CLYBL: variants seen among roughly 807,000 people sequenced by gnomAD.
CLYBL encodes the protein citramalyl-CoA lyase.
CLYBL carries 31 observed loss-of-function variants against 38.9 expected under a neutral mutation model. That is an observed-to-expected ratio of 0.80 (90% confidence interval 0.60 to 1.08). CLYBL has a LOEUF of 1.08. Ranked by LOEUF, CLYBL falls within the 50% of genes least tolerant of loss-of-function variation. The probability of loss-of-function intolerance (pLI) is 0.00; values close to 1 mark genes in which losing one functional copy is unlikely to be tolerated. For missense variants in CLYBL, 434 were observed against 411.6 expected, an observed-to-expected ratio of 1.05 and a Z score of -0.47; for synonymous variants, 171 against 158.6, an observed-to-expected ratio of 1.08 and a Z score of -0.59.
At chr13:99,731,357 A>T (rs1198089065) in intron 1 of CLYBL, among the ~76,000 whole-genome samples, 3 of 150,724 alleles carry the variant, frequency 2.0e-5, no homozygotes, top group Non-Finnish European at 4.4e-5. Flanking sequence ...AAAGCGGCTG[A>T]GCCCAGGGGC....
chr13:99,695,580 C>T (rs1019176664), intron 1 of CLYBL, among the ~76,000 whole-genome samples: 2 of 151,928 alleles, frequency 1.3e-5, no homozygotes, highest in Non-Finnish European at 2.9e-5. Flanking sequence ...AGTGCAGTGG[C>T]GTGATCTTGG....
chr13:99,796,153 G>C (rs962103198), intron 2 of CLYBL, among the ~76,000 whole-genome samples: 17 of 152,196 alleles, frequency 1.1e-4, no homozygotes, highest in African/African-American at 4.1e-4. Context: ...ACTTCTACTG[G>C]TCAGGGCCAT....
intron 1 of CLYBL, among the ~76,000 whole-genome samples, chr13:99,719,265 CTTCTGAG>C (rs1365573984): frequency 6.6e-6 from 1 of 151,740 alleles, no homozygotes; most frequent in Non-Finnish European, 1.5e-5. Flanking sequence ...CTGCCTCAGC[CTTCTGAG>C]TAGCTGAGAC....
chr13:99,799,970 C>T (rs772155339), intron 2 of CLYBL, among the ~76,000 whole-genome samples: 11 of 152,182 alleles, frequency 7.2e-5, no homozygotes, highest in Admixed American at 2.6e-4. Flanking sequence ...CTCCACAGAG[C>T]GCTGGAAATG....
intron 1 of CLYBL, among the ~76,000 whole-genome samples, chr13:99,632,482 C>G (rs1021682449): frequency 6.6e-6 from 1 of 152,224 alleles, no homozygotes; most frequent in African/African-American, 2.4e-5. Flanking sequence ...TGGCTCATGC[C>G]TGTAATCCCA....
intron 1 of CLYBL, among the ~76,000 whole-genome samples, chr13:99,678,067 G>A (rs1262838693): frequency 6.6e-6 from 1 of 152,140 alleles, no homozygotes; most frequent in Non-Finnish European, 1.5e-5. Flanking sequence ...ATTTGCGCGT[G>A]TTTTCCACTG....
At chr13:99,880,412 G>A (rs535257657) in intron 7 of CLYBL, among the ~76,000 whole-genome samples, 128 of 152,244 alleles carry the variant, frequency 8.4e-4, no homozygotes, top group Non-Finnish European at 1.5e-3. Flanking sequence ...CTACAGGGGC[G>A]ATATTATCCC....
chr13:99,827,626 C>T (rs35483940), intron 2 of CLYBL, among the ~76,000 whole-genome samples: 94 of 152,342 alleles, frequency 6.2e-4, no homozygotes, highest in South Asian at 1.9e-3. Flanking sequence ...CCACACTGCC[C>T]GCTCTCAGCC....
At position 99,684,035 on chromosome 13, in the gene CLYBL, A is replaced by ATTTTTTTTTT. The variant is rs778902077; in HGVS notation, c.62+77287_62+77296dup. ...AGGCGCATGCCACCATGCCTGGCTA[A>ATTTTTTTTTT]TTTTTTTTTTTTTTTTTTGTATTTT... On this transcript the variant is annotated intron_variant, in intron 1 of 8. Coordinates refer to ENST00000339105, the MANE Select transcript of CLYBL (RefSeq NM_206808.5). Among the ~76,000 whole-genome samples the ATTTTTTTTTT allele has an allele frequency of 5.2e-3, 447 of 86,344 alleles. 13 individuals carry two copies. Among genetic ancestry groups the ATTTTTTTTTT allele is most frequent in the African/African-American group, 0.018 (398 of 22,360 alleles). The allele number at this position is 86,344 out of a possible 152,430, so 56.6% of individuals were successfully genotyped here.
At chr13:99,743,966 C>CTTT (rs1162079530) in intron 1 of CLYBL, among the ~76,000 whole-genome samples, 1,085 of 68,414 alleles carry the variant, frequency 0.016, 4 homozygotes, top group African/African-American at 0.018. Flanking sequence ...TCTCTTCTTT[C>CTTT]TTTTTTTTTT....
At chr13:99,642,376 C>T (rs1469073484) in intron 1 of CLYBL, among the ~76,000 whole-genome samples, 2 of 152,026 alleles carry the variant, frequency 1.3e-5, no homozygotes, top group Admixed American at 1.3e-4. Context: ...GGGTGAAAAT[C>T]AGAGTATTGG....
intron 1 of CLYBL, among the ~76,000 whole-genome samples, chr13:99,639,285 C>T (rs777397307): frequency 2.0e-4 from 31 of 152,130 alleles, no homozygotes; most frequent in East Asian, 3.8e-4. Context: ...TCTGTGGACA[C>T]GCAGCATGGT....
In CLYBL at chr13:99,859,066, T is replaced by C; in HGVS notation, c.438+17T>C. 1 of 1,604,302 alleles carries C rather than the reference T, an allele frequency of 6.2e-7. No individual in the cohort carries two copies. The highest frequency in any genetic ancestry group is 8.5e-7 in the Non-Finnish European group (1 of 1,175,498). On this transcript the variant is annotated intron_variant, in intron 3 of 8. Transcript: ENST00000339105. Reference sequence around the variant, plus strand: ...ATCCAGTGGGTGAGTAGCTAATGCTTTGCCTTAAGACTCAGGAGCAGCTAA... The same window carrying C: ...ATCCAGTGGGTGAGTAGCTAATGCTCTGCCTTAAGACTCAGGAGCAGCTAA...
At chr13:99,735,259 T>A (rs1209366497) in intron 1 of CLYBL, among the ~76,000 whole-genome samples, 1 of 152,204 alleles carries the variant, frequency 6.6e-6, no homozygotes, top group Admixed American at 6.5e-5. Flanking sequence ...AGTGGTGTGA[T>A]CATAGCTCAC....
chr13:99,721,869 C>G lies in CLYBL; in HGVS notation c.63-50955C>G, dbSNP rs2048398657. Reference sequence around the variant, plus strand: ...TCTTCAGCAGGGGTTATTTTTGCCTCTGGGAGTCCAGGGGCCCTGGATTGT... The same window carrying G: ...TCTTCAGCAGGGGTTATTTTTGCCTGTGGGAGTCCAGGGGCCCTGGATTGT... On this transcript the variant is annotated intron_variant, in intron 1 of 8. Transcript: ENST00000339105. Among the ~76,000 whole-genome samples, 3 of 152,212 alleles carry G rather than the reference C, an allele frequency of 2.0e-5. No homozygotes were observed. In the South Asian group the frequency reaches 6.2e-4, roughly 32 times the overall value.
intron 6 of CLYBL, among the ~76,000 whole-genome samples, chr13:99,867,111 G>T (rs1315743170): frequency 6.6e-6 from 1 of 152,020 alleles, no homozygotes; most frequent in African/African-American, 2.4e-5. Context: ...ACCACAATAG[G>T]AGTCTACACA....
At chr13:99,831,693 G>C (rs1485893334) in intron 2 of CLYBL, among the ~76,000 whole-genome samples, 3 of 149,960 alleles carry the variant, frequency 2.0e-5, no homozygotes, top group Non-Finnish European at 4.4e-5. Flanking sequence ...GTAAATACCC[G>C]CTTCTTGAGT....
intron 2 of CLYBL, among the ~76,000 whole-genome samples, chr13:99,819,116 C>T (rs996691646): frequency 8.6e-5 from 13 of 151,832 alleles, no homozygotes; most frequent in South Asian, 2.1e-4. Flanking sequence ...GAGGCTGAGG[C>T]GGGAGAATCG....
At position 99,728,280 on chromosome 13, in the gene CLYBL, CT is replaced by C. The variant is rs55834602; in HGVS notation, c.63-44528del. 1.8e-3 allele frequency among the ~76,000 whole-genome samples: 195 copies of C among 107,642 alleles called. 1 individual carries two copies. Among genetic ancestry groups the C allele is most frequent in the East Asian group, 0.014 (29 of 2,068 alleles). 70.6% of individuals were successfully genotyped at this position (107,642 alleles called of 152,430 possible). A position where few individuals can be genotyped will look rare whatever the true frequency, so the allele number is the denominator to read the frequency against. On this transcript the variant is annotated intron_variant, in intron 1 of 8. Coordinates refer to ENST00000339105, the MANE Select transcript of CLYBL (RefSeq NM_206808.5). ...AATATACATATGTTTCTTTTCTTTT[CT>C]TTTTTTTTTTTTTTTGAGATGGAGT...
Sources: allele counts gnomAD v4.1 joint callset (sites outside exome capture counted in the v4.1 genomes callset), GRCh38; gene constraint gnomAD v4.1.1; transcripts MANE v1.5; gene names NCBI Gene and HGNC (gene_info 2026-07-23, HGNC 2026-07-21).